Variants in FRMD4B observed in about 807,000 individuals in gnomAD.
FRMD4B encodes the protein FERM domain containing 4B, also known as FERM domain-containing protein 4B.
In FRMD4B, 74 loss-of-function variants were observed where a neutral mutation model predicts 141.5. The observed-to-expected ratio is 0.52, with a 90% CI of 0.43 to 0.63. The LOEUF (loss-of-function observed/expected upper bound fraction) is 0.63. Ranked by LOEUF, FRMD4B falls within the 30% of genes least tolerant of loss-of-function variation. The pLI is 0.00. For missense variants in FRMD4B, 1,366 were observed against 1,253.4 expected, an observed-to-expected ratio of 1.09 and a Z score of -1.36; for synonymous variants, 506 against 467.9, an observed-to-expected ratio of 1.08 and a Z score of -1.05.
intron 1 of FRMD4B, among the ~76,000 whole-genome samples, chr3:69,358,191 G>T (rs1703379184): frequency 6.6e-6 from 1 of 152,080 alleles, no homozygotes; most frequent in Admixed American, 6.5e-5. Context: ...TCTTAAATTT[G>T]CATTCACTGC....
chr3:69,352,985 G>A (rs1008152216), intron 1 of FRMD4B, among the ~76,000 whole-genome samples: 1 of 152,026 alleles, frequency 6.6e-6, no homozygotes, highest in African/African-American at 2.4e-5. Context: ...CTGATGAAAC[G>A]ATGAACAATT....
chr3:69,187,205 G>C (rs939443099), intron 19 of FRMD4B, among the ~76,000 whole-genome samples: 8 of 152,022 alleles, frequency 5.3e-5, no homozygotes, highest in African/African-American at 1.9e-4. Context: ...AGATCAAATA[G>C]ACTTTAAAGT....
At chr3:69,224,145 C>A (rs2093226706) in intron 8 of FRMD4B, among the ~76,000 whole-genome samples, 1 of 152,082 alleles carries the variant, frequency 6.6e-6, no homozygotes, top group Non-Finnish European at 1.5e-5. Flanking sequence ...ACTATGGATT[C>A]ACTAATGTAC....
chr3:69,518,754 G>C (rs12496877), intron 1 of FRMD4B, among the ~76,000 whole-genome samples: 19,837 of 152,096 alleles, frequency 0.13, 1,399 homozygotes, highest in Non-Finnish European at 0.15. Flanking sequence ...ATAATGTTTA[G>C]GACTGAGCCC....
chr3:69,526,161 A>G (rs1700928916), intron 1 of FRMD4B, among the ~76,000 whole-genome samples: 1 of 151,892 alleles, frequency 6.6e-6, no homozygotes, highest in South Asian at 2.1e-4. Context: ...AGAACACTCC[A>G]CCTCCCAGAA....
chr3:69,300,845 T>A (rs758297653), intron 4 of FRMD4B, among the ~76,000 whole-genome samples: 1 of 152,110 alleles, frequency 6.6e-6, no homozygotes, highest in East Asian at 1.9e-4. Context: ...TTCAAGCTAT[T>A]CTGCCTCAGC....
rs1239673004 is a variant in FRMD4B, at chr3:69,189,796, C to A, written c.1771+100G>T. On this transcript the variant is annotated intron_variant, in intron 18 of 22. Transcript: ENST00000398540. ...TGTAAGTTAGTTTATTCTACTTTTT[C>A]TCAAAAGAAAAACAAATAGGCCTTA... The A allele has an allele frequency of 1.2e-5, 9 of 739,750 alleles. No individual in the cohort carries two copies. In the East Asian group the frequency reaches 2.4e-4, roughly 20 times the overall value. The allele number at this position is 739,750 out of a possible 1,614,324, so 45.8% of individuals were successfully genotyped here. A position where few individuals can be genotyped will look rare whatever the true frequency, so the allele number is the denominator to read the frequency against.
Position 69,536,484 on chromosome 3 carries a change from C to T in FRMD4B, c.-129+5722G>A, listed in dbSNP as rs918363230. 61 of 697,372 alleles carry T rather than the reference C, an allele frequency of 8.7e-5. 2 individuals are homozygous for T. The highest frequency in any genetic ancestry group is 3.7e-5 in the Non-Finnish European group (14 of 377,194). 43.2% of individuals were successfully genotyped at this position (697,372 alleles called of 1,614,324 possible). A position where few individuals can be genotyped will look rare whatever the true frequency, so the allele number is the denominator to read the frequency against. On this transcript the variant is annotated intron_variant, in intron 1 of 5. Coordinates refer to the FRMD4B transcript ENST00000459638. ...TGTAGAGCTTGACGGCCACCGCCAA[C>T]GTGCCCTAGCGCTACTCCCCAGCCT...
chr3:69,344,535 A>T (rs1392027608), intron 1 of FRMD4B, among the ~76,000 whole-genome samples: 11 of 152,332 alleles, frequency 7.2e-5, no homozygotes, highest in African/African-American at 2.2e-4. Flanking sequence ...ATCAATGTGG[A>T]TTCTGAAGAC....
chr3:69,363,246 A>ATTTTTTTTT (rs1485107482), intron 1 of FRMD4B, among the ~76,000 whole-genome samples: 1 of 42,092 alleles, frequency 2.4e-5, no homozygotes, highest in African/African-American at 1.6e-4. Flanking sequence ...TCTTTTTACC[A>ATTTTTTTTT]TGTTTTTTTT....
intron 1 of FRMD4B, among the ~76,000 whole-genome samples, chr3:69,455,954 A>G (rs544141755): frequency 6.6e-6 from 1 of 152,286 alleles, no homozygotes; most frequent in South Asian, 2.1e-4. Flanking sequence ...TGAGGCTTAA[A>G]TCAGAACCAC....
At chr3:69,526,799 T>C (rs769110265) in intron 1 of FRMD4B, among the ~76,000 whole-genome samples, 1 of 152,026 alleles carries the variant, frequency 6.6e-6, no homozygotes, top group Non-Finnish European at 1.5e-5. Flanking sequence ...AAACTGAAAC[T>C]CAGGAAGGTT....
At chr3:69,436,808 T>C (rs1449448604) in intron 1 of FRMD4B, among the ~76,000 whole-genome samples, 5 of 152,102 alleles carry the variant, frequency 3.3e-5, no homozygotes, top group Non-Finnish European at 7.4e-5. Context: ...CATAAATGAG[T>C]CCTGAAAACA....
chr3:69,309,239 C>T (rs1701491841), intron 3 of FRMD4B, among the ~76,000 whole-genome samples: 1 of 151,896 alleles, frequency 6.6e-6, no homozygotes, highest in African/African-American at 2.4e-5. Flanking sequence ...ATCCTCCCAC[C>T]TCAGCCTCAG....
chr3:69,223,501 G>A (rs1022482029), intron 8 of FRMD4B, among the ~76,000 whole-genome samples: 2 of 151,914 alleles, frequency 1.3e-5, no homozygotes, highest in Admixed American at 6.6e-5. Flanking sequence ...GGTGACAGGG[G>A]GAGACTCCGT....
chr3:69,325,642 T>C (rs34428822), intron 1 of FRMD4B, among the ~76,000 whole-genome samples: 2,743 of 152,232 alleles, frequency 0.018, 42 homozygotes, highest in South Asian at 0.052. Flanking sequence ...TCTGCCCCTA[T>C]GAAATGGAAA....
At chr3:69,398,655 A>G (rs1559516000) in intron 2 of FRMD4B, among the ~76,000 whole-genome samples, 1 of 152,224 alleles carries the variant, frequency 6.6e-6, no homozygotes, top group Non-Finnish European at 1.5e-5. Flanking sequence ...AGATTGTTCA[A>G]GATGCCAGTT....
intron 1 of FRMD4B, among the ~76,000 whole-genome samples, chr3:69,317,429 G>C (rs1701838713): frequency 6.6e-6 from 1 of 152,112 alleles, no homozygotes; most frequent in Non-Finnish European, 1.5e-5. Flanking sequence ...CCTGCAGAAA[G>C]AATGAGGGAG....
chr3:69,371,266 A>G (rs1390927261), intron 1 of FRMD4B, among the ~76,000 whole-genome samples: 1 of 152,190 alleles, frequency 6.6e-6, no homozygotes, highest in Non-Finnish European at 1.5e-5. Context: ...GAGGGACAGC[A>G]AGGAGGCCAG....
Sources: gnomAD v4.1 joint callset for allele counts (sites outside exome capture counted in the v4.1 genomes callset) on GRCh38, gnomAD v4.1.1 for gene constraint, MANE v1.5 for transcripts, NCBI Gene and HGNC (gene_info 2026-07-23, HGNC 2026-07-21) for gene names.